The following CNTNAP5 variants were observed in gnomAD, a reference collection of about 807,000 sequenced individuals.
CNTNAP5 encodes the protein contactin-associated protein-like 5.
CNTNAP5 carries 72 observed loss-of-function variants against 150.2 expected under a neutral mutation model. The observed-to-expected ratio is 0.48, with a 90% CI of 0.40 to 0.58. CNTNAP5 has a LOEUF of 0.58. CNTNAP5 is among the 20% of genes least tolerant of loss of function. The pLI, the probability that CNTNAP5 is intolerant of heterozygous loss-of-function variation, is 0.00. For synonymous variants in CNTNAP5, 672 were observed against 619.8 expected, an observed-to-expected ratio of 1.08 and a Z score of -1.25; for missense variants, 1,636 against 1,626.2, an observed-to-expected ratio of 1.01 and a Z score of -0.10.
chr2:124,157,641 T>A (rs1178238961), intron 1 of CNTNAP5, among the ~76,000 whole-genome samples: 1 of 152,162 alleles, frequency 6.6e-6, no homozygotes, highest in Non-Finnish European at 1.5e-5. Flanking sequence ...TATTAAATAG[T>A]TTGGAGTAAG....
intron 1 of CNTNAP5, among the ~76,000 whole-genome samples, chr2:124,061,094 G>A (rs943165030): frequency 6.6e-6 from 1 of 152,012 alleles, no homozygotes; most frequent in African/African-American, 2.4e-5. Flanking sequence ...AGAAATGCAT[G>A]TTCCTGAAGG....
At chr2:124,831,340 C>T (rs1682712690) in intron 19 of CNTNAP5, among the ~76,000 whole-genome samples, 1 of 151,692 alleles carries the variant, frequency 6.6e-6, no homozygotes, top group African/African-American at 2.4e-5. Context: ...TTCCTCTTAC[C>T]TTCCTTACCA....
intron 1 of CNTNAP5, among the ~76,000 whole-genome samples, chr2:124,193,604 G>A (rs2104698245): frequency 6.6e-6 from 1 of 152,216 alleles, no homozygotes; most frequent in East Asian, 1.9e-4. Flanking sequence ...ATTGTGAAAA[G>A]CAAACACCTT....
chr2:124,297,101 G>T (rs1297355809), intron 3 of CNTNAP5, among the ~76,000 whole-genome samples: 1 of 152,118 alleles, frequency 6.6e-6, no homozygotes, highest in Non-Finnish European at 1.5e-5. Flanking sequence ...ATGCCTTTTG[G>T]GGTTATACTT....
chr2:124,042,469 G>T (rs1224920107), intron 1 of CNTNAP5, among the ~76,000 whole-genome samples: 1 of 152,064 alleles, frequency 6.6e-6, no homozygotes, highest in Non-Finnish European at 1.5e-5. Context: ...GTCCTCATAG[G>T]CTTTAGACAG....
intron 3 of CNTNAP5, among the ~76,000 whole-genome samples, chr2:124,364,875 T>C (rs1161393291): frequency 2.7e-5 from 4 of 145,924 alleles, no homozygotes; most frequent in Admixed American, 2.0e-4. Context: ...AGTGTGCTTA[T>C]CTTCCTAGGG....
chr2:124,264,938 T>C lies in CNTNAP5; in HGVS notation c.381+22545T>C, dbSNP rs536501102. ...TGTCTTTGGGCATGCGACATTTCCTTTTCCCAAGTTAGTGTGCTTTGTGCT... is the reference window on the plus strand; with the variant it reads ...TGTCTTTGGGCATGCGACATTTCCTCTTCCCAAGTTAGTGTGCTTTGTGCT... On this transcript the variant is annotated intron_variant, in intron 3 of 23. Coordinates refer to ENST00000682447, the MANE Select transcript of CNTNAP5 (RefSeq NM_001367498.1). Among the ~76,000 whole-genome samples, 6 of 152,332 alleles carry C rather than the reference T, an allele frequency of 3.9e-5. No homozygotes were observed. The East Asian group carries it at 1.2e-3, about 29-fold the overall frequency.
chr2:124,222,153 G>A (rs1573847498), intron 2 of CNTNAP5, among the ~76,000 whole-genome samples: 1 of 152,004 alleles, frequency 6.6e-6, no homozygotes, highest in African/African-American at 2.4e-5. Context: ...TATTTATAAT[G>A]AATGTTTATT....
chr2:124,561,636 A>T (rs932349959), intron 10 of CNTNAP5, among the ~76,000 whole-genome samples: 1 of 152,208 alleles, frequency 6.6e-6, no homozygotes, highest in Non-Finnish European at 1.5e-5. Flanking sequence ...GTTGAATACC[A>T]TAAAGTTATC....
At chr2:124,035,066 C>T (rs1254666077) in intron 1 of CNTNAP5, among the ~76,000 whole-genome samples, 1 of 146,000 alleles carries the variant, frequency 6.8e-6, no homozygotes, top group South Asian at 2.4e-4. Context: ...GCCTAGTGCC[C>T]ATCCATTTAT....
chr2:124,306,724 T>C (rs866659777), intron 3 of CNTNAP5, among the ~76,000 whole-genome samples: 36 of 141,484 alleles, frequency 2.5e-4, no homozygotes, highest in Middle Eastern at 3.5e-3. Context: ...TCTTTCTTTT[T>C]TTTTTTTTTT....
chr2:124,244,273 C>T (rs1686961407), intron 3 of CNTNAP5, among the ~76,000 whole-genome samples: 1 of 152,106 alleles, frequency 6.6e-6, no homozygotes, highest in South Asian at 2.1e-4. Context: ...CCAAGCTCCT[C>T]AAAGGCAGGG....
At chr2:124,737,211 A>G (rs182573121) in intron 13 of CNTNAP5, among the ~76,000 whole-genome samples, 4 of 151,996 alleles carry the variant, frequency 2.6e-5, no homozygotes, top group Admixed American at 2.6e-4. Flanking sequence ...GAATTGCTTG[A>G]ACCTGGGAGG....
At chr2:124,653,923 C>A (rs888641920) in intron 13 of CNTNAP5, among the ~76,000 whole-genome samples, 5 of 139,134 alleles carry the variant, frequency 3.6e-5, no homozygotes, top group African/African-American at 2.7e-5. Context: ...CCCCCCCCCC[C>A]GCCACACACA....
At chr2:124,492,110 T>C (rs1440768857) in intron 7 of CNTNAP5, among the ~76,000 whole-genome samples, 1 of 152,158 alleles carries the variant, frequency 6.6e-6, no homozygotes, top group Non-Finnish European at 1.5e-5. Flanking sequence ...TGCAGAAATT[T>C]GTTAGTTTGA....
intron 12 of CNTNAP5, among the ~76,000 whole-genome samples, chr2:124,638,205 ATATATATGATAC>A (rs1678012723): frequency 2.3e-5 from 1 of 42,644 alleles, no homozygotes; most frequent in Non-Finnish European, 9.5e-5. Flanking sequence ...TATATAATAC[ATATATATGATAC>A]ATATATATGA....
chr2:124,433,249 A>G (rs1321948933), intron 4 of CNTNAP5, among the ~76,000 whole-genome samples: 6 of 152,190 alleles, frequency 3.9e-5, no homozygotes. Flanking sequence ...AGGTGCTGAG[A>G]AAGGTGGACA....
chr2:124,657,132 G>C (rs1176713307), intron 13 of CNTNAP5, among the ~76,000 whole-genome samples: 1 of 152,132 alleles, frequency 6.6e-6, no homozygotes, highest in Admixed American at 6.5e-5. Context: ...CTCATAGTGT[G>C]GCCATTCAAA....
chr2:124,631,824 C>T (rs956741076), intron 12 of CNTNAP5, among the ~76,000 whole-genome samples: 4 of 152,108 alleles, frequency 2.6e-5, no homozygotes, highest in Admixed American at 6.5e-5. Context: ...ATTTATCCAT[C>T]GACAAAGGTC....
Sources: allele counts gnomAD v4.1 joint callset (sites outside exome capture counted in the v4.1 genomes callset), GRCh38; gene constraint gnomAD v4.1.1; transcripts MANE v1.5; gene names NCBI Gene and HGNC (gene_info 2026-07-23, HGNC 2026-07-21).